Variants in ME3 observed in about 807,000 individuals in gnomAD.
ME3 encodes NADP-dependent malic enzyme, mitochondrial.
In ME3, 48 loss-of-function variants were observed where a neutral mutation model predicts 68.9. The ratio of observed to expected loss-of-function variants is 0.70; its 90% CI spans 0.55 to 0.89. The LOEUF (loss-of-function observed/expected upper bound fraction) is 0.89, where lower values mean the gene tolerates loss of function less well. ME3 is among the 40% of genes least tolerant of loss of function. The probability of loss-of-function intolerance (pLI) is 0.00; values close to 1 mark genes in which losing one functional copy is unlikely to be tolerated. For synonymous variants in ME3, 320 were observed against 318.8 expected, an observed-to-expected ratio of 1.00 and a Z score of -0.04; for missense variants, 675 against 797.4, an observed-to-expected ratio of 0.85 and a Z score of 1.85.
chr11:86,542,466 C>T (rs1225612086), intron 4 of ME3, among the ~76,000 whole-genome samples: 1 of 152,078 alleles, frequency 6.6e-6, no homozygotes, highest in Non-Finnish European at 1.5e-5. Flanking sequence ...CATAAATGAC[C>T]TGATGGACCT....
intron 2 of ME3, among the ~76,000 whole-genome samples, chr11:86,619,767 A>G (rs1446689334): frequency 1.3e-5 from 2 of 152,256 alleles, no homozygotes; most frequent in African/African-American, 4.8e-5. Context: ...TTTATCAGGT[A>G]CATGAAAACA....
chr11:86,543,936 G>A (rs371888374), intron 4 of ME3, among the ~76,000 whole-genome samples: 2,573 of 131,350 alleles, frequency 0.02, 31 homozygotes, highest in African/African-American at 0.025. Flanking sequence ...GCAAAAGAAT[G>A]GAAATCATAA....
At chr11:86,634,925 A>AACAACAACT (rs1944239962) in intron 2 of ME3, among the ~76,000 whole-genome samples, 1 of 150,926 alleles carries the variant, frequency 6.6e-6, no homozygotes, top group East Asian at 1.9e-4. Context: ...CAACAACAAC[A>AACAACAACT]AAAAACCCAG....
At chr11:86,619,116 T>TA (rs1346780157) in intron 2 of ME3, among the ~76,000 whole-genome samples, 1 of 152,132 alleles carries the variant, frequency 6.6e-6, no homozygotes, top group African/African-American at 2.4e-5. Context: ...CCACCATGAG[T>TA]AAAAGCTCCC....
intron 2 of ME3, among the ~76,000 whole-genome samples, chr11:86,638,919 C>G (rs1170485082): frequency 6.6e-6 from 1 of 152,198 alleles, no homozygotes; most frequent in African/African-American, 2.4e-5. Flanking sequence ...AACCACTGTA[C>G]TTCCAAACCT....
intron 8 of ME3, among the ~76,000 whole-genome samples, chr11:86,459,167 G>GACC (rs1950100365): frequency 6.6e-6 from 1 of 152,202 alleles, no homozygotes; most frequent in South Asian, 2.1e-4. Flanking sequence ...TAGGCAGAGG[G>GACC]ACCAGCACAT....
chr11:86,498,244 AAG>A lies in ME3; in HGVS notation c.544-122_544-121del, dbSNP rs1252777558. The A allele has an allele frequency of 1.1e-5, 13 of 1,214,556 alleles. No individual in the cohort carries two copies. In the African/African-American group the frequency reaches 1.9e-4, roughly 17 times the overall value. 75.2% of individuals were successfully genotyped at this position (1,214,556 alleles called of 1,614,324 possible). A position where few individuals can be genotyped will look rare whatever the true frequency, so the allele number is the denominator to read the frequency against. ...ATGCCCACTGACTTTGCCGGTGTGA[AAG>A]AGCTTGTCTGGGATAAGGCCGGAGC... On this transcript the variant is annotated intron_variant, in intron 5 of 14. Transcript: ENST00000543262.
At chr11:86,567,283 G>A (rs1227834322) in intron 2 of ME3, among the ~76,000 whole-genome samples, 13 of 150,736 alleles carry the variant, frequency 8.6e-5, no homozygotes, top group Non-Finnish European at 1.8e-4. Flanking sequence ...AGGAAGGGAG[G>A]AAAAGAGTGA....
chr11:86,655,175 A>G (rs187622254), intron 2 of ME3, among the ~76,000 whole-genome samples: 2 of 152,372 alleles, frequency 1.3e-5, no homozygotes, highest in African/African-American at 4.8e-5. Context: ...ACACTGTCCA[A>G]GGTAATTTAT....
chr11:86,665,360 T>C (rs145332750), intron 2 of ME3, among the ~76,000 whole-genome samples: 3 of 152,200 alleles, frequency 2.0e-5, no homozygotes, highest in East Asian at 1.9e-4. Context: ...GCAGCTATCA[T>C]TGAGAAAGTG....
At chr11:86,475,874 T>TATATATAGAGAGAGAGAGAGAG in intron 7 of ME3, among the ~76,000 whole-genome samples, 27 of 91,462 alleles carry the variant, frequency 3.0e-4, no homozygotes, top group South Asian at 8.3e-4. Context: ...TATATATATA[T>TATATATAGAGAGAGAGAGAGAG]AGAGAGAGAG....
At chr11:86,649,835 C>T (rs1206581389) in intron 2 of ME3, among the ~76,000 whole-genome samples, 1 of 152,202 alleles carries the variant, frequency 6.6e-6, no homozygotes, top group Non-Finnish European at 1.5e-5. Flanking sequence ...GAAAAACGTT[C>T]CATGCTCATG....
chr11:86,525,146 T>G (rs1294318400), intron 4 of ME3, among the ~76,000 whole-genome samples: 1 of 152,212 alleles, frequency 6.6e-6, no homozygotes, highest in Non-Finnish European at 1.5e-5. Context: ...ATCTGGTTAG[T>G]AGTGACCTTG....
At position 86,630,238 on chromosome 11, in the gene ME3, A is replaced by C. The variant is rs538525982; in HGVS notation, c.183+41524T>G. Among the ~76,000 whole-genome samples, 41 of 152,310 alleles carry C rather than the reference A, an allele frequency of 2.7e-4. No homozygotes were observed. The South Asian group carries it at 8.1e-3, about 30-fold the overall frequency. On this transcript the variant is annotated intron_variant, in intron 2 of 14. Coordinates refer to ENST00000543262, the Ensembl canonical transcript of ME3. ...TTTGAGTTACCTCTGTTATCAATAA[A>C]GGGAAAAAGCAAGCAGCAGAAGCAT...
intron 2 of ME3, among the ~76,000 whole-genome samples, chr11:86,642,675 G>A (rs1242778017): frequency 1.3e-5 from 2 of 152,094 alleles, no homozygotes; most frequent in Admixed American, 6.5e-5. Flanking sequence ...TTGCACTCCA[G>A]CCTGGGTGAC....
intron 6 of ME3, among the ~76,000 whole-genome samples, chr11:86,496,013 A>T (rs1211383580): frequency 6.6e-6 from 1 of 152,142 alleles, no homozygotes; most frequent in Non-Finnish European, 1.5e-5. Context: ...CTGTTAAGCA[A>T]GGTCTGCCCA....
intron 7 of ME3, among the ~76,000 whole-genome samples, chr11:86,465,574 C>T (rs1281611526): frequency 6.6e-6 from 1 of 152,124 alleles, no homozygotes; most frequent in Non-Finnish European, 1.5e-5. Flanking sequence ...CAGAAGAAAG[C>T]TCACTCCACA....
At chr11:86,526,746 C>A (rs571850800) in intron 4 of ME3, among the ~76,000 whole-genome samples, 48 of 152,204 alleles carry the variant, frequency 3.2e-4, no homozygotes, top group Admixed American at 1.8e-3. Context: ...TGCTGATACC[C>A]AGGCGAACAG....
intron 2 of ME3, among the ~76,000 whole-genome samples, chr11:86,661,723 A>T (rs1946289825): frequency 6.6e-6 from 1 of 152,108 alleles, no homozygotes; most frequent in Admixed American, 6.5e-5. Flanking sequence ...CTTCCATAGC[A>T]CTTGTATGAA....
Sources: gnomAD v4.1 joint callset for allele counts (sites outside exome capture counted in the v4.1 genomes callset) on GRCh38, gnomAD v4.1.1 for gene constraint, MANE v1.5 for transcripts, NCBI Gene and HGNC (gene_info 2026-07-23, HGNC 2026-07-21) for gene names.